RUNX1: variants seen among roughly 807,000 people sequenced by gnomAD.
RUNX1 encodes RUNX family transcription factor 1.
A neutral mutation model predicts 42.8 loss-of-function variants in RUNX1; 19 were observed. The ratio of observed to expected loss-of-function variants is 0.44; its 90% CI spans 0.31 to 0.65. The LOEUF (loss-of-function observed/expected upper bound fraction) is 0.65. Among genes scored for constraint, RUNX1 ranks in the 30% least tolerant of loss-of-function variants. The pLI, the probability that RUNX1 is intolerant of heterozygous loss-of-function variation, is 0.07. For synonymous variants in RUNX1, 271 were observed against 289.4 expected, an observed-to-expected ratio of 0.94 and a Z score of 0.64; for missense variants, 528 against 672.0, an observed-to-expected ratio of 0.79 and a Z score of 2.37.
At chr21:34,932,166 G>A (rs1183125083) in intron 2 of RUNX1, among the ~76,000 whole-genome samples, 1 of 152,130 alleles carries the variant, frequency 6.6e-6, no homozygotes, top group Non-Finnish European at 1.5e-5. Flanking sequence ...TTAATTTATA[G>A]AGAGTTGTAT....
At chr21:35,004,966 CTTA>C (rs2059073400) in intron 2 of RUNX1, among the ~76,000 whole-genome samples, 1 of 152,294 alleles carries the variant, frequency 6.6e-6, no homozygotes, top group East Asian at 1.9e-4. Flanking sequence ...GGTTAAAATT[CTTA>C]TTATCAGCTT....
At position 34,854,584 on chromosome 21, in the gene RUNX1, CAAAAAAAAAAGA is replaced by C. The variant is rs530817479; in HGVS notation, c.613+4878_613+4889del. Among the ~76,000 whole-genome samples, 880 of 124,016 alleles carry C rather than the reference CAAAAAAAAAAGA, an allele frequency of 7.1e-3. 1 individual carries two copies. The highest frequency in any genetic ancestry group is 0.017 in the African/African-American group (558 of 33,550). The allele number at this position is 124,016 out of a possible 152,430, so 81.4% of individuals were successfully genotyped here. On this transcript the variant is annotated intron_variant, in intron 6 of 8. Transcript: ENST00000675419. ...TGGGCAACAGAGTGAGATTTCACCT[CAAAAAAAAAAGA>C]AAAAAAAAAAGAAAAAAGAAAGCTG...
chr21:34,998,411 C>T (rs2059013301), intron 2 of RUNX1, among the ~76,000 whole-genome samples: 1 of 152,164 alleles, frequency 6.6e-6, no homozygotes, highest in Non-Finnish European at 1.5e-5. Flanking sequence ...CCTCCCCCAC[C>T]TCCATCCTTC....
chr21:34,997,586 C>T (rs950955705), intron 2 of RUNX1, among the ~76,000 whole-genome samples: 9 of 152,228 alleles, frequency 5.9e-5, no homozygotes, highest in Admixed American at 1.3e-4. Context: ...TGACGATCAG[C>T]TTCAATAGAT....
At chr21:34,944,532 C>T (rs1162379425) in intron 2 of RUNX1, among the ~76,000 whole-genome samples, 1 of 152,120 alleles carries the variant, frequency 6.6e-6, no homozygotes, top group Non-Finnish European at 1.5e-5. Flanking sequence ...TATTGTATTG[C>T]TTTGGGTGGT....
chr21:34,827,910 C>T (rs1310403993), intron 7 of RUNX1, among the ~76,000 whole-genome samples: 1 of 152,226 alleles, frequency 6.6e-6, no homozygotes, highest in Admixed American at 6.5e-5. Context: ...GGGAATACCA[C>T]TGCAGACAGT....
intron 2 of RUNX1, among the ~76,000 whole-genome samples, chr21:35,003,519 CTTTT>C (rs58218340): frequency 0.029 from 4,043 of 141,792 alleles, 61 homozygotes; most frequent in Non-Finnish European, 0.044. Flanking sequence ...GAAAAGCTGT[CTTTT>C]TTTTTTTAAA....
chr21:34,987,094 C>A (rs950711707), intron 2 of RUNX1, among the ~76,000 whole-genome samples: 3 of 152,216 alleles, frequency 2.0e-5, no homozygotes, highest in Admixed American at 6.5e-5. Flanking sequence ...TTCTGACTTA[C>A]GGCTTTGTTA....
intron 3 of RUNX1, chr21:34,888,663 C>G: frequency 9.6e-7 from 1 of 1,046,624 alleles, no homozygotes; most frequent in Non-Finnish European, 1.2e-6. Flanking sequence ...GCGGGGCGCC[C>G]GTCCCGCCCG....
At chr21:34,836,279 G>A (rs1248612565) in intron 6 of RUNX1, among the ~76,000 whole-genome samples, 2 of 152,238 alleles carry the variant, frequency 1.3e-5, no homozygotes, top group African/African-American at 2.4e-5. Flanking sequence ...TCTTGGCTGC[G>A]TATTTTAAGC....
At chr21:35,027,986 C>A (rs1263381048) in intron 2 of RUNX1, among the ~76,000 whole-genome samples, 1 of 152,162 alleles carries the variant, frequency 6.6e-6, no homozygotes, top group Non-Finnish European at 1.5e-5. Context: ...AACTGAGAGA[C>A]TAGACTAAGA....
chr21:34,960,089 G>A (rs186005799), intron 2 of RUNX1, among the ~76,000 whole-genome samples: 1 of 152,320 alleles, frequency 6.6e-6, no homozygotes, highest in East Asian at 1.9e-4. Context: ...CAGGGGTCCA[G>A]CACCAGATCG....
chr21:35,008,238 T>C (rs2059100135), intron 2 of RUNX1, among the ~76,000 whole-genome samples: 1 of 152,234 alleles, frequency 6.6e-6, no homozygotes, highest in Non-Finnish European at 1.5e-5. Context: ...AATTTCATGG[T>C]GGTGCCATGT....
At chr21:34,974,322 G>C (rs2058784417) in intron 2 of RUNX1, among the ~76,000 whole-genome samples, 1 of 151,778 alleles carries the variant, frequency 6.6e-6, no homozygotes, top group Admixed American at 6.6e-5. Flanking sequence ...CTGAAGACTT[G>C]CCTGTCCTCT....
chr21:34,905,018 C>G (rs938295107), intron 2 of RUNX1, among the ~76,000 whole-genome samples: 1 of 152,148 alleles, frequency 6.6e-6, no homozygotes, highest in African/African-American at 2.4e-5. Flanking sequence ...GGGGGCTCCA[C>G]TTTTAGTCTG....
intron 6 of RUNX1, among the ~76,000 whole-genome samples, chr21:34,845,791 G>A (rs2146143603): frequency 6.6e-6 from 1 of 151,832 alleles, no homozygotes; most frequent in Non-Finnish European, 1.5e-5. Context: ...ATATAGTAAA[G>A]CTACTGTATA....
intron 2 of RUNX1, among the ~76,000 whole-genome samples, chr21:34,952,069 CT>C (rs1377959287): frequency 6.6e-6 from 1 of 152,108 alleles, no homozygotes; most frequent in Non-Finnish European, 1.5e-5. Context: ...AGTTCATGTC[CT>C]TTGCAGGGAC....
intron 2 of RUNX1, among the ~76,000 whole-genome samples, chr21:34,982,836 G>T (rs940086460): frequency 8.5e-5 from 13 of 152,194 alleles, no homozygotes; most frequent in African/African-American, 3.1e-4. Flanking sequence ...CCAAAGTGCT[G>T]GGATTACAGG....
Position 35,049,215 on chromosome 21 carries a change from T to G in RUNX1, c.-107A>C. 1 of 386,298 alleles carries G rather than the reference T, an allele frequency of 2.6e-6. No individual in the cohort carries two copies. The highest frequency in any genetic ancestry group is 5.2e-5 in the East Asian group (1 of 19,376). 23.9% of individuals were successfully genotyped at this position (386,298 alleles called of 1,614,324 possible). A position where few individuals can be genotyped will look rare whatever the true frequency, so the allele number is the denominator to read the frequency against. On this transcript the variant is annotated 5_prime_UTR_variant, in exon 1 of 9. Coordinates refer to ENST00000675419, the MANE Select transcript of RUNX1 (RefSeq NM_001754.5). The stretch of plus-strand genomic sequence containing the variant: ...TGCATTCAGTGTGATTCGTCCTGCC[T>G]GCTGACCACTATGCTGGGTTCAGAC...
Sources: gnomAD v4.1 joint callset for allele counts (sites outside exome capture counted in the v4.1 genomes callset) on GRCh38, gnomAD v4.1.1 for gene constraint, MANE v1.5 for transcripts, NCBI Gene and HGNC (gene_info 2026-07-23, HGNC 2026-07-21) for gene names.